Variants in GABRR3 observed in about 807,000 individuals in gnomAD.
GABRR3 encodes gamma-aminobutyric acid type A receptor subunit rho3, also known as gamma-aminobutyric acid receptor subunit rho-3.
In GABRR3, 29 loss-of-function variants were observed where a neutral mutation model predicts 43.2. The observed-to-expected ratio is 0.67, with a 90% CI of 0.50 to 0.92. GABRR3 has a LOEUF of 0.92. GABRR3 is among the 40% of genes least tolerant of loss of function. The pLI is 0.00. For missense variants in GABRR3, 576 were observed against 572.3 expected (o/e 1.01, Z -0.07); for synonymous variants, 206 against 195.9 (o/e 1.05, Z -0.43).
At chr3:98,033,455 C>A (rs1707115952) in intron 2 of GABRR3, among the ~76,000 whole-genome samples, 1 of 152,030 alleles carries the variant, frequency 6.6e-6, no homozygotes. Flanking sequence ...ATGTTCTTTT[C>A]TTTTTCTTTA....
At chr3:97,985,994 G>A (rs1048933750), downstream of GABRR3, among the ~76,000 whole-genome samples, 4 of 152,042 alleles carry the variant, frequency 2.6e-5, no homozygotes, top group African/African-American at 9.7e-5. Flanking sequence ...AGCCTCCCAA[G>A]TAGCACAGAC....
At chr3:98,000,656 CA>C (rs1559775319) in intron 8 of GABRR3, 1 of 151,992 alleles carries the variant, frequency 6.6e-6, no homozygotes, top group Non-Finnish European at 1.5e-5. Flanking sequence ...AATTTGTGAA[CA>C]TTAACTTACA....
chr3:98,023,203 T>C (rs1706973413), intron 3 of GABRR3, among the ~76,000 whole-genome samples: 2 of 152,216 alleles, frequency 1.3e-5, no homozygotes, highest in Admixed American at 1.3e-4. Flanking sequence ...GTTCAAGGTC[T>C]ACATTCAAGG....
At chr3:98,002,993 A>G (rs1706672359) in intron 7 of GABRR3, among the ~76,000 whole-genome samples, 1 of 152,112 alleles carries the variant, frequency 6.6e-6, no homozygotes, top group Non-Finnish European at 1.5e-5. Context: ...TCAATGAAAT[A>G]CTCATTATCT....
chr3:97,985,475 C>T (rs1454726121), downstream of GABRR3, among the ~76,000 whole-genome samples: 2 of 152,138 alleles, frequency 1.3e-5, no homozygotes, highest in Non-Finnish European at 2.9e-5. Context: ...TCTTTGGTAT[C>T]CCCCTTTCAG....
At chr3:98,006,796 C>T (rs74759193) in intron 7 of GABRR3, among the ~76,000 whole-genome samples, 2,111 of 152,148 alleles carry the variant, frequency 0.014, 36 homozygotes, top group African/African-American at 0.046. Flanking sequence ...AGAGGGGAAC[C>T]GAAGGAGGCT....
chr3:97,991,754 G>T (rs370076552), intron 9 of GABRR3, among the ~76,000 whole-genome samples: 4 of 152,256 alleles, frequency 2.6e-5, no homozygotes, highest in Non-Finnish European at 4.4e-5. Flanking sequence ...GGTTCGGTGT[G>T]AGAAGAGGAT....
exon 10 of GABRR3, chr3:97,986,698 C>G: frequency 6.5e-7 from 1 of 1,548,930 alleles, no homozygotes; most frequent in Non-Finnish European, 8.8e-7. Flanking sequence ...CATATACACC[C>G]CAGTAAAACA....
intron 8 of GABRR3, chr3:98,000,668 A>G (rs1220208529): frequency 1.3e-5 from 2 of 152,130 alleles, no homozygotes; most frequent in African/African-American, 2.4e-5. Flanking sequence ...TTAACTTACA[A>G]ACCACCCTTT....
At chr3:98,028,650 T>C (rs1323985624) in intron 2 of GABRR3, among the ~76,000 whole-genome samples, 3 of 152,114 alleles carry the variant, frequency 2.0e-5, no homozygotes, top group Non-Finnish European at 1.5e-5. Context: ...GAGCAATCAT[T>C]AAAAGGAGGT....
rs183002156 is a variant in GABRR3 at position 98,001,478 on chromosome 3, C to T, written c.907+137G>A. The T allele has an allele frequency of 5.0e-4, 454 of 906,550 alleles. 2 individuals are homozygous for T. Among genetic ancestry groups the T allele is most frequent in the Non-Finnish European group, 7.0e-4 (420 of 600,102 alleles). The allele number at this position is 906,550 out of a possible 1,614,324, so 56.2% of individuals were successfully genotyped here. A position where few individuals can be genotyped will look rare whatever the true frequency, so the allele number is the denominator to read the frequency against. The stretch of plus-strand genomic sequence containing the variant: ...GCCCTTGAGGATGTCAAGATCGATA[C>T]TGCAACCTGGATGTTCATCTCTGAC... On this transcript the variant is annotated intron_variant, in intron 8 of 9. Transcript: ENST00000621172.
Position 97,990,895 on chromosome 3 carries a change from T to C in GABRR3, c.1104+1957A>G, listed in dbSNP as rs79071115. On this transcript the variant is annotated intron_variant, in intron 9 of 9. Transcript: ENST00000621172. ...ACAATGTGAATATACTTAACACTAC[T>C]GAACTGCACACTTAAAAACAATTCA... is the stretch of plus-strand genomic sequence containing the variant. 1.6e-3 allele frequency among the ~76,000 whole-genome samples: 250 copies of C among 152,330 alleles called. 7 individuals are homozygous for C. In the East Asian group the frequency reaches 0.043, roughly 26 times the overall value.
chr3:98,026,673 A>C (rs1364264707), intron 2 of GABRR3, among the ~76,000 whole-genome samples: 1 of 145,552 alleles, frequency 6.9e-6, no homozygotes, highest in African/African-American at 2.6e-5. Flanking sequence ...GCAATAACGC[A>C]AGACCCTGAG....
chr3:98,026,580 C>T (rs1408625316), intron 2 of GABRR3, among the ~76,000 whole-genome samples: 3 of 114,726 alleles, frequency 2.6e-5, no homozygotes, highest in East Asian at 6.0e-4. Context: ...TGCTCAGCAC[C>T]TCCTTCCAGA....
chr3:98,020,471 A>G (rs1318457939), intron 3 of GABRR3, among the ~76,000 whole-genome samples: 5 of 151,818 alleles, frequency 3.3e-5, no homozygotes, highest in Non-Finnish European at 7.4e-5. Context: ...AAAAAAAAAA[A>G]AAAAGGAAAA....
At chr3:97,999,295 T>C (rs1706601638) in intron 8 of GABRR3, 1 of 152,024 alleles carries the variant, frequency 6.6e-6, no homozygotes. Flanking sequence ...GATTTAAAAG[T>C]GAGGATATTT....
chr3:98,027,665 G>A (rs1707040453), intron 2 of GABRR3, among the ~76,000 whole-genome samples: 1 of 152,150 alleles, frequency 6.6e-6, no homozygotes, highest in African/African-American at 2.4e-5. Context: ...ATCTACTTTT[G>A]CCTTTTTTTG....
intron 2 of GABRR3, among the ~76,000 whole-genome samples, chr3:98,032,119 A>ATAGTACAGTATAGTATAGTATAGTG (rs1553720653): frequency 1.6e-4 from 23 of 140,692 alleles, no homozygotes; most frequent in Admixed American, 6.4e-4. Flanking sequence ...ATAGTATAGT[A>ATAGTACAGTATAGTATAGTATAGTG]TAGTAATGGT....
chr3:98,022,965 G>C (rs986509350), intron 3 of GABRR3, among the ~76,000 whole-genome samples: 1 of 152,156 alleles, frequency 6.6e-6, no homozygotes, highest in Non-Finnish European at 1.5e-5. Flanking sequence ...GGGAGGACGA[G>C]GTAGGGATGG....
Sources: gnomAD v4.1 joint callset for allele counts (sites outside exome capture counted in the v4.1 genomes callset) on GRCh38, gnomAD v4.1.1 for gene constraint, MANE v1.5 for transcripts, NCBI Gene and HGNC (gene_info 2026-07-23, HGNC 2026-07-21) for gene names.